Variants in VTI1A observed in about 807,000 individuals in gnomAD.
VTI1A encodes vesicle transport through interaction with t-SNAREs 1A.
A neutral mutation model predicts 34.9 loss-of-function variants in VTI1A; 22 were observed. That is an observed-to-expected ratio of 0.63 (90% CI 0.45 to 0.90). VTI1A has a LOEUF of 0.90. VTI1A is among the 40% of genes least tolerant of loss of function. VTI1A has a pLI of 0.00. For synonymous variants in VTI1A, 87 were observed against 97.3 expected (o/e 0.89, Z 0.62); for missense variants, 268 against 275.6 (o/e 0.97, Z 0.20).
At chr10:112,752,671 A>T (rs1851142353) in intron 7 of VTI1A, 2 of 650,078 alleles carry the variant, frequency 3.1e-6, no homozygotes. Flanking sequence ...TCTAGAATAG[A>T]TGTTGCCTCC....
At chr10:112,555,584 T>G (rs144607717) in intron 5 of VTI1A, among the ~76,000 whole-genome samples, 63 of 152,198 alleles carry the variant, frequency 4.1e-4, no homozygotes, top group Non-Finnish European at 6.3e-4. Flanking sequence ...AAAGTGGAAA[T>G]TAGAATCCAG....
intron 5 of VTI1A, among the ~76,000 whole-genome samples, chr10:112,583,618 G>A (rs77051641): frequency 6.6e-6 from 1 of 152,326 alleles, no homozygotes; most frequent in African/African-American, 2.4e-5. Flanking sequence ...TGTTAGAGGT[G>A]TGATACAAAA....
At chr10:112,828,862 A>G in the VTI1A span, among the ~76,000 whole-genome samples, 2 of 151,588 alleles carry the variant, frequency 1.3e-5, no homozygotes, top group Non-Finnish European at 2.9e-5. Flanking sequence ...AGAAAAAAAA[A>G]AAACAAACCA....
intron 2 of VTI1A, among the ~76,000 whole-genome samples, chr10:112,463,897 G>T (rs1847811762): frequency 6.6e-6 from 1 of 152,196 alleles, no homozygotes; most frequent in Admixed American, 6.5e-5. Context: ...GAGGTTAATG[G>T]TCAGAAGACA....
At chr10:112,640,541 A>C (rs1030477075) in intron 5 of VTI1A, among the ~76,000 whole-genome samples, 20 of 152,246 alleles carry the variant, frequency 1.3e-4, no homozygotes, top group Admixed American at 9.8e-4. Context: ...TCTGGGAAAA[A>C]AAACAAACAA....
chr10:112,847,031 C>T, the VTI1A span, among the ~76,000 whole-genome samples: 1 of 152,138 alleles, frequency 6.6e-6, no homozygotes, highest in Admixed American at 6.5e-5. Flanking sequence ...TGTATTAAGC[C>T]ACTAGTTTTG....
chr10:112,479,316 C>T (rs1328802022), intron 3 of VTI1A, among the ~76,000 whole-genome samples: 1 of 152,142 alleles, frequency 6.6e-6, no homozygotes, highest in African/African-American at 2.4e-5. Context: ...ATTGGAAGGA[C>T]TTAGACACTA....
At chr10:112,842,050 CCTTTTTTTTTTTTTTTTT>C in the VTI1A span, among the ~76,000 whole-genome samples, 6 of 93,166 alleles carry the variant, frequency 6.4e-5, no homozygotes, top group African/African-American at 1.9e-4. Context: ...TTTTTTTTTT[CCTTTTTTTTTTTTTTTTT>C]TTTTTTTTTT....
chr10:112,816,205 C>T lies in VTI1A; in HGVS notation c.*822C>T, dbSNP rs907078271. On this transcript the variant is annotated 3_prime_UTR_variant, in exon 8 of 8. Coordinates refer to ENST00000393077, the MANE Select transcript of VTI1A (RefSeq NM_145206.4). ...TGTATCCTTTCGGTTTTAATATCTG[C>T]ACTGCCAAAAGCAGTCCTCATACTT... The T allele has an allele frequency of 4.6e-6, 1 of 217,058 alleles. No individual in the cohort carries two copies. 13.4% of individuals were successfully genotyped at this position (217,058 alleles called of 1,614,324 possible). A position where few individuals can be genotyped will look rare whatever the true frequency, so the allele number is the denominator to read the frequency against.
Position 112,531,104 on chromosome 10 carries a change from CGTG to C in VTI1A, c.342+3941_342+3943del, listed in dbSNP as rs1850418853. 1.1e-4 allele frequency among the ~76,000 whole-genome samples: 15 copies of C among 142,480 alleles called. No homozygotes were observed. In the South Asian group the frequency reaches 1.5e-3, roughly 14 times the overall value. The allele number at this position is 142,480 out of a possible 152,430, so 93.5% of individuals were successfully genotyped here. On this transcript the variant is annotated intron_variant, in intron 4 of 7. Coordinates refer to ENST00000393077, the MANE Select transcript of VTI1A (RefSeq NM_145206.4). Reference sequence around the variant, plus strand: ...ACACACACACACACACACACACACACGTGCGCACGTGCGCGCGCGCGCATGAAC... The same window carrying C: ...ACACACACACACACACACACACACACCGCACGTGCGCGCGCGCGCATGAAC...
intron 5 of VTI1A, among the ~76,000 whole-genome samples, chr10:112,581,208 A>G (rs1345146052): frequency 6.6e-6 from 1 of 152,204 alleles, no homozygotes; most frequent in African/African-American, 2.4e-5. Context: ...CTGGGATTGC[A>G]GTGGGCTGGC....
intron 7 of VTI1A, among the ~76,000 whole-genome samples, chr10:112,684,433 A>G (rs1322566719): frequency 7.4e-6 from 1 of 134,694 alleles, no homozygotes; most frequent in African/African-American, 3.0e-5. Flanking sequence ...ATAAATGCTC[A>G]TCTCTTTTTT....
chr10:112,520,927 T>C (rs1236484041), intron 3 of VTI1A, among the ~76,000 whole-genome samples: 7 of 151,996 alleles, frequency 4.6e-5, no homozygotes, highest in African/African-American at 1.2e-4. Context: ...AACAATGGAT[T>C]ATTTTGGCAG....
intron 7 of VTI1A, among the ~76,000 whole-genome samples, chr10:112,787,124 G>C (rs374349692): frequency 1.3e-5 from 2 of 152,078 alleles, no homozygotes; most frequent in East Asian, 3.8e-4. Context: ...TCTTGAGTCA[G>C]TTTTGGTAAT....
At chr10:112,464,697 TA>T (rs1564787717) in intron 3 of VTI1A, 40 bp downstream of exon 3, 1 of 1,558,886 alleles carries the variant, frequency 6.4e-7, no homozygotes, top group Admixed American at 1.8e-5. Context: ...TACTTTTTTT[TA>T]AAAATGTTTC....
intron 7 of VTI1A, among the ~76,000 whole-genome samples, chr10:112,693,843 C>T (rs999465069): frequency 6.6e-6 from 1 of 152,194 alleles, no homozygotes; most frequent in African/African-American, 2.4e-5. Context: ...AGAGTCTCCA[C>T]GGGATCACTG....
intron 7 of VTI1A, chr10:112,737,567 G>C (rs1008101278): frequency 6.7e-6 from 7 of 1,049,076 alleles, no homozygotes; most frequent in Non-Finnish European, 8.1e-6. Context: ...ATTCCCAGGG[G>C]GCGGCAGGGA....
At chr10:112,635,958 C>CA (rs1194986371) in intron 5 of VTI1A, among the ~76,000 whole-genome samples, 1 of 152,110 alleles carries the variant, frequency 6.6e-6, no homozygotes, top group Non-Finnish European at 1.5e-5. Context: ...AGCATAGAAA[C>CA]AGAGATGATA....
chr10:112,524,032 T>G (rs768041525), intron 3 of VTI1A, among the ~76,000 whole-genome samples: 3 of 151,260 alleles, frequency 2.0e-5, no homozygotes, highest in East Asian at 1.9e-4. Context: ...GTAGCATGGG[T>G]TTTTTTTTAA....
Sources: gnomAD v4.1 joint callset for allele counts (sites outside exome capture counted in the v4.1 genomes callset) on GRCh38, gnomAD v4.1.1 for gene constraint, MANE v1.5 for transcripts, NCBI Gene and HGNC (gene_info 2026-07-23, HGNC 2026-07-21) for gene names.